TMC1: variants seen among roughly 807,000 people sequenced by gnomAD.
TMC1 encodes transmembrane channel like 1.
A neutral mutation model predicts 105.8 loss-of-function variants in TMC1; 84 were observed. The observed-to-expected ratio is 0.79, with a 90% CI of 0.67 to 0.95. TMC1 has a LOEUF of 0.95. Among genes scored for constraint, TMC1 ranks in the 40% least tolerant of loss-of-function variants. TMC1 has a pLI of 0.00. For synonymous variants in TMC1, 315 were observed against 311.5 expected (o/e 1.01, Z -0.12); for missense variants, 817 against 914.1 (o/e 0.89, Z 1.37).
intron 1 of TMC1, among the ~76,000 whole-genome samples, chr9:72,577,283 A>G (rs1159911440): frequency 6.6e-6 from 1 of 152,134 alleles, no homozygotes; most frequent in Non-Finnish European, 1.5e-5. Flanking sequence ...AAAATTCTTT[A>G]ATCACTCTGC....
chr9:72,733,100 G>C (rs1038061564), intron 8 of TMC1, among the ~76,000 whole-genome samples: 1 of 152,096 alleles, frequency 6.6e-6, no homozygotes, highest in Non-Finnish European at 1.5e-5. Context: ...TGTTGTCCAA[G>C]TGTAACATTT....
rs1825132315 is a variant in TMC1, at chr9:72,616,462, G to A, written c.-211G>A. 1 of 151,800 alleles carries A rather than the reference G, an allele frequency of 6.6e-6. No individual in the cohort carries two copies. Among genetic ancestry groups the A allele is most frequent in the East Asian group, 1.9e-4 (1 of 5,184 alleles). 9.4% of individuals were successfully genotyped at this position (151,800 alleles called of 1,614,324 possible). ...TCTACTGTTTACTAGACATGAAATG[G>A]GGAAATCTAAAATGAGTAAGTATAC... On this transcript the variant is annotated 5_prime_UTR_variant, in exon 3 of 24. An upstream open reading frame in the 5' UTR gains an earlier in-frame stop. Transcript: ENST00000297784.
At chr9:72,642,711 CAAG>C (rs1825648195) in intron 4 of TMC1, among the ~76,000 whole-genome samples, 1 of 152,144 alleles carries the variant, frequency 6.6e-6, no homozygotes, top group Non-Finnish European at 1.5e-5. Context: ...AAGGTTAAGC[CAAG>C]AAGTATTGTT....
At chr9:72,730,605 G>A (rs1827195250) in intron 8 of TMC1, among the ~76,000 whole-genome samples, 1 of 152,170 alleles carries the variant, frequency 6.6e-6, no homozygotes. Flanking sequence ...CCAGTGTCAT[G>A]GATGACAATT....
intron 5 of TMC1, among the ~76,000 whole-genome samples, chr9:72,673,489 G>T (rs963380675): frequency 6.6e-6 from 1 of 151,982 alleles, no homozygotes; most frequent in Non-Finnish European, 1.5e-5. Flanking sequence ...AAGAAGAAAC[G>T]ATTTCCTTTT....
At position 72,830,498 on chromosome 9, in the gene TMC1, C is replaced by A. The variant is rs573874378; in HGVS notation, c.2177C>A (p.Ala726Glu). ...LNATAKGQKA[A>E]NLDLKKKMKM... ...GCTACTGCCAAGGGCCAGAAGGCAG[C>A]GAATCTGGATCTCAAAAAGAAGATG... is the stretch of plus-strand genomic sequence containing the variant. The change falls in exon 22 of 24, where the codon GCG becomes GAG. Residue 726 changes from alanine (A) to glutamate (E), a missense_variant. Coordinates refer to ENST00000297784, the MANE Select transcript of TMC1 (RefSeq NM_138691.3). The A allele has an allele frequency of 6.2e-7, 1 of 1,613,320 alleles. No individual in the cohort carries two copies. Among genetic ancestry groups the A allele is most frequent in the Non-Finnish European group, 8.5e-7 (1 of 1,179,624 alleles).
intron 14 of TMC1, among the ~76,000 whole-genome samples, chr9:72,788,918 T>C (rs1195697738): frequency 1.3e-5 from 2 of 152,154 alleles, no homozygotes; most frequent in Admixed American, 6.6e-5. Flanking sequence ...CACAGTTTGT[T>C]TGCAAGAATT....
At chr9:72,797,401 G>A (rs974547568) in intron 17 of TMC1, among the ~76,000 whole-genome samples, 2 of 152,032 alleles carry the variant, frequency 1.3e-5, no homozygotes, top group Non-Finnish European at 2.9e-5. Flanking sequence ...AAAAGAGCTC[G>A]TATAGCCAAG....
intron 5 of TMC1, among the ~76,000 whole-genome samples, chr9:72,662,609 G>A (rs1351501149): frequency 6.6e-6 from 1 of 152,046 alleles, no homozygotes; most frequent in East Asian, 1.9e-4. Context: ...ATATTTTGAT[G>A]TTTAATAGCA....
intron 8 of TMC1, among the ~76,000 whole-genome samples, chr9:72,712,922 G>A (rs1826858988): frequency 6.6e-6 from 1 of 152,118 alleles, no homozygotes; most frequent in African/African-American, 2.4e-5. Flanking sequence ...GTCATAAATA[G>A]CTCTTATTAT....
intron 1 of TMC1, among the ~76,000 whole-genome samples, chr9:72,562,590 T>G (rs1369174667): frequency 6.6e-6 from 1 of 152,234 alleles, no homozygotes; most frequent in African/African-American, 2.4e-5. Flanking sequence ...TGTCAGACAT[T>G]GTATTGGAAA....
intron 3 of TMC1, among the ~76,000 whole-genome samples, chr9:72,619,267 T>C (rs1243912747): frequency 1.3e-5 from 2 of 152,236 alleles, no homozygotes; most frequent in Non-Finnish European, 2.9e-5. Context: ...TAGATACTCA[T>C]AGCAGCATTA....
chr9:72,658,570 A>G (rs1391768665), intron 5 of TMC1, among the ~76,000 whole-genome samples: 1 of 152,226 alleles, frequency 6.6e-6, no homozygotes, highest in Non-Finnish European at 1.5e-5. Flanking sequence ...AAACGTGTAT[A>G]ACATGTAGTA....
At chr9:72,640,883 G>A (rs182067677) in intron 4 of TMC1, among the ~76,000 whole-genome samples, 9 of 151,886 alleles carry the variant, frequency 5.9e-5, no homozygotes, top group East Asian at 1.9e-4. Flanking sequence ...CACCCGCCTC[G>A]GCCTCCCAAA....
At chr9:72,784,388 C>G (rs948678605) in intron 13 of TMC1, among the ~76,000 whole-genome samples, 3 of 151,250 alleles carry the variant, frequency 2.0e-5, no homozygotes, top group African/African-American at 7.3e-5. Context: ...CTATCTCACA[C>G]CAGTCAAAAT....
Position 72,837,286 on chromosome 9 carries a change from G to A in TMC1, c.*1313G>A, listed in dbSNP as rs994278905. 1 of 152,226 alleles carries A rather than the reference G, an allele frequency of 6.6e-6. No homozygotes were observed. The allele number at this position is 152,226 out of a possible 1,614,324, so 9.4% of individuals were successfully genotyped here. A position where few individuals can be genotyped will look rare whatever the true frequency, so the allele number is the denominator to read the frequency against. ...CACTTGCCCAACTCCTAAGATCTCC[G>A]GCTCAGGTGTTTTCTATCTATTGGG... On this transcript the variant is annotated 3_prime_UTR_variant, in exon 24 of 24. Transcript: ENST00000297784.
At chr9:72,694,486 T>G in intron 6 of TMC1, 57 bp from the exon 7 acceptor site, 1 of 1,497,372 alleles carries the variant, frequency 6.7e-7, no homozygotes, top group Non-Finnish European at 9.2e-7. Context: ...AGAATAAGCT[T>G]GGTAGTGGGA....
At chr9:72,588,775 A>AT (rs34222467) in intron 2 of TMC1, among the ~76,000 whole-genome samples, 41,649 of 141,606 alleles carry the variant, frequency 0.29, 6,346 homozygotes, top group African/African-American at 0.4. Flanking sequence ...GAAAAACAAG[A>AT]TTTTTTTTTT....
chr9:72,831,536 C>T (rs56177392), intron 23 of TMC1, among the ~76,000 whole-genome samples: 13,048 of 152,070 alleles, frequency 0.086, 672 homozygotes, highest in Non-Finnish European at 0.13. Context: ...GTGCTGCACC[C>T]ATTAACTCAT....
Sources: allele counts gnomAD v4.1 joint callset (sites outside exome capture counted in the v4.1 genomes callset), GRCh38; gene constraint gnomAD v4.1.1; transcripts MANE v1.5; gene names NCBI Gene and HGNC (gene_info 2026-07-23, HGNC 2026-07-21).